CADM2: variants seen among roughly 807,000 people sequenced by gnomAD.
The protein encoded by CADM2 is cell adhesion molecule 2.
Under a neutral mutation model 49.8 loss-of-function variants are expected in CADM2, and 12 were observed. That is an observed-to-expected ratio of 0.24 (90% confidence interval 0.15 to 0.39). The LOEUF is 0.39. CADM2 is among the 10% of genes least tolerant of loss of function. The pLI, the probability that CADM2 is intolerant of heterozygous loss-of-function variation, is 1.00. For missense variants in CADM2, 378 were observed against 492.3 expected (o/e 0.77, Z 2.20); for synonymous variants, 214 against 175.4 (o/e 1.22, Z -1.74).
chr3:85,337,884 ACT>A (rs2045132450), intron 1 of CADM2, among the ~76,000 whole-genome samples: 1 of 151,508 alleles, frequency 6.6e-6, no homozygotes, highest in African/African-American at 2.4e-5. Context: ...ACATTCATAT[ACT>A]CTCATATATT....
chr3:85,148,067 A>G (rs578214764), intron 1 of CADM2, among the ~76,000 whole-genome samples: 1 of 152,336 alleles, frequency 6.6e-6, no homozygotes, highest in African/African-American at 2.4e-5. Context: ...TCACAATTTT[A>G]TTAGGCACAA....
chr3:85,018,253 C>A (rs908657714), intron 1 of CADM2, among the ~76,000 whole-genome samples: 7 of 152,010 alleles, frequency 4.6e-5, no homozygotes, highest in African/African-American at 1.7e-4. Context: ...TATCTTTGTG[C>A]AAATTAAATG....
chr3:84,993,467 T>TA (rs1395359659), intron 1 of CADM2, among the ~76,000 whole-genome samples: 1 of 152,150 alleles, frequency 6.6e-6, no homozygotes, highest in African/African-American at 2.4e-5. Flanking sequence ...TAGTAACAGT[T>TA]AAAATCAAGT....
intron 1 of CADM2, among the ~76,000 whole-genome samples, chr3:85,640,557 T>A (rs968345902): frequency 6.6e-6 from 1 of 152,082 alleles, no homozygotes; most frequent in African/African-American, 2.4e-5. Context: ...TGAGAGAGAT[T>A]GACATTTTTA....
chr3:85,037,604 C>A (rs1211328500), intron 1 of CADM2, among the ~76,000 whole-genome samples: 2 of 152,164 alleles, frequency 1.3e-5, no homozygotes, highest in Non-Finnish European at 2.9e-5. Flanking sequence ...CATTCTGTTT[C>A]TTTAAAAGAA....
In CADM2 at chr3:85,359,663, TA is replaced by T. The variant is rs1370412470; in HGVS notation, c.62-366858del. On this transcript the variant is annotated intron_variant, in intron 1 of 9. Transcript: ENST00000383699. ...ATATATATATATATATATATATATATATATTTTTTTTTTTGGTGGAGGGGAG... is the reference window on the plus strand; with the variant it reads ...ATATATATATATATATATATATATATTATTTTTTTTTTTGGTGGAGGGGAG... Among the ~76,000 whole-genome samples, 115 of 22,182 alleles carry T rather than the reference TA, an allele frequency of 5.2e-3. 6 individuals are homozygous for T. Among genetic ancestry groups the T allele is most frequent in the African/African-American group, 9.8e-3 (93 of 9,534 alleles). 14.6% of individuals were successfully genotyped at this position (22,182 alleles called of 152,430 possible).
chr3:85,931,854 T>G (rs1248931940), intron 6 of CADM2, among the ~76,000 whole-genome samples: 3 of 151,752 alleles, frequency 2.0e-5, no homozygotes, highest in Non-Finnish European at 2.9e-5. Context: ...GGACTTAAAT[T>G]TAAAATCATT....
chr3:85,403,317 G>T (rs1169563865), intron 1 of CADM2, among the ~76,000 whole-genome samples: 1 of 151,990 alleles, frequency 6.6e-6, no homozygotes, highest in East Asian at 1.9e-4. Context: ...AAAGTGCATT[G>T]AACTAATATT....
chr3:85,109,041 G>A (rs1575885853), intron 1 of CADM2, among the ~76,000 whole-genome samples: 3 of 151,958 alleles, frequency 2.0e-5, no homozygotes, highest in African/African-American at 4.8e-5. Flanking sequence ...TTTTTAACAA[G>A]TTTATTTATT....
At chr3:85,812,817 G>T (rs1339048425) in intron 3 of CADM2, among the ~76,000 whole-genome samples, 2 of 152,062 alleles carry the variant, frequency 1.3e-5, no homozygotes, top group Non-Finnish European at 2.9e-5. Flanking sequence ...TTCCGTTCTT[G>T]TGACAATTTG....
At chr3:85,494,982 A>C (rs778070183) in intron 1 of CADM2, among the ~76,000 whole-genome samples, 1 of 152,134 alleles carries the variant, frequency 6.6e-6, no homozygotes, top group Non-Finnish European at 1.5e-5. Context: ...TTTTGCTATA[A>C]TGTGTGTCAA....
chr3:85,299,162 G>C (rs1450469047), intron 1 of CADM2, among the ~76,000 whole-genome samples: 1 of 151,958 alleles, frequency 6.6e-6, no homozygotes, highest in Non-Finnish European at 1.5e-5. Flanking sequence ...TAAAAAACTT[G>C]AGAGCTTTTA....
chr3:85,692,741 AAG>A (rs1378906961), intron 1 of CADM2, among the ~76,000 whole-genome samples: 1 of 152,206 alleles, frequency 6.6e-6, no homozygotes, highest in Non-Finnish European at 1.5e-5. Context: ...CTCTGTTTCA[AAG>A]ACTAGAGGTC....
chr3:86,034,190 C>T (rs1027094886), intron 8 of CADM2, among the ~76,000 whole-genome samples: 3 of 151,942 alleles, frequency 2.0e-5, no homozygotes, highest in African/African-American at 7.2e-5. Flanking sequence ...CATTTTACTA[C>T]TTCCTGGTGA....
chr3:85,068,439 C>A (rs2036599813), intron 1 of CADM2, among the ~76,000 whole-genome samples: 2 of 152,052 alleles, frequency 1.3e-5, no homozygotes, highest in African/African-American at 4.8e-5. Flanking sequence ...GGGAGAGCTC[C>A]ATATGTTAAG....
At chr3:86,021,627 G>C (rs111594685) in intron 8 of CADM2, among the ~76,000 whole-genome samples, 4,633 of 152,172 alleles carry the variant, frequency 0.03, 160 homozygotes, top group Non-Finnish European at 0.039. Context: ...AAAAATATTG[G>C]ATTATTCTTT....
At chr3:85,386,415 G>T (rs1225864439) in intron 1 of CADM2, among the ~76,000 whole-genome samples, 1 of 152,150 alleles carries the variant, frequency 6.6e-6, no homozygotes, top group Non-Finnish European at 1.5e-5. Context: ...TAGGGCAACT[G>T]AGCAAGCTAA....
At position 85,364,867 on chromosome 3, in the gene CADM2, TACAACAACA is replaced by T. The variant is rs57254550; in HGVS notation, c.62-361623_62-361615del. Among the ~76,000 whole-genome samples, 681 of 147,286 alleles carry T rather than the reference TACAACAACA, an allele frequency of 4.6e-3. 3 individuals carry two copies. The highest frequency in any genetic ancestry group is 7.1e-3 in the African/African-American group (267 of 37,652). ...TTGTTCTGGATCATATGCTTGTTCC[TACAACAACA>T]ACAACAACAACAACAACAACAACAA... is the stretch of plus-strand genomic sequence containing the variant. On this transcript the variant is annotated intron_variant, in intron 1 of 9. Coordinates refer to ENST00000383699, the MANE Select transcript of CADM2 (RefSeq NM_001167675.2).
chr3:85,828,669 C>G (rs919119216), intron 3 of CADM2, among the ~76,000 whole-genome samples: 20 of 151,882 alleles, frequency 1.3e-4, no homozygotes, highest in African/African-American at 4.6e-4. Flanking sequence ...TTCTCCCTGA[C>G]TTCTATCATC....
Sources: allele counts gnomAD v4.1 joint callset (sites outside exome capture counted in the v4.1 genomes callset), GRCh38; gene constraint gnomAD v4.1.1; transcripts MANE v1.5; gene names NCBI Gene and HGNC (gene_info 2026-07-23, HGNC 2026-07-21).